KDM1B: variants seen among roughly 807,000 people sequenced by gnomAD.
KDM1B encodes lysine-specific histone demethylase 2.
Under a neutral mutation model 107.4 loss-of-function variants are expected in KDM1B, and 63 were observed. That is an observed-to-expected ratio of 0.59 (90% CI 0.48 to 0.72). KDM1B has a LOEUF of 0.72. Ranked by LOEUF, KDM1B falls within the 30% of genes least tolerant of loss-of-function variation. The pLI, the probability that KDM1B is intolerant of heterozygous loss-of-function variation, is 0.00. For missense variants in KDM1B, 749 were observed against 1,020.8 expected (o/e 0.73, Z 3.63); for synonymous variants, 363 against 363.9 (o/e 1.00, Z 0.03).
chr6:18,162,949 T>G lies in KDM1B; in HGVS notation c.305+25T>G. 6.9e-7 allele frequency: 1 copy of G among 1,458,886 alleles called. No homozygotes were observed. Among genetic ancestry groups the G allele is most frequent in the South Asian group, 1.1e-5 (1 of 87,778 alleles). 90.4% of individuals were successfully genotyped at this position (1,458,886 alleles called of 1,614,324 possible). On this transcript the variant is annotated intron_variant, in intron 5 of 21. Coordinates refer to ENST00000650836, the MANE Select transcript of KDM1B (RefSeq NM_001364614.2). The surrounding 1 kb of genome is among the most constrained non-coding windows in gnomAD (Gnocchi z 4.1). ...GGTATGTTCACTAATTGTGTGAGGT[T>G]TCCCTGGAGAAGGGGACCGTGGCAG...
chr6:18,187,996 G>A lies in KDM1B; in HGVS notation c.778G>A (p.Val260Met), dbSNP rs752126498. ...GGAGCACTCCAAGGCTGCCCTCTCC[G>A]TGCACGGTGAGAGCCATTCCTGGGA... is the stretch of plus-strand genomic sequence containing the variant. ...KLEHSKAALS[V>M]HVPGMNRYFQ... Residue 260 changes from valine to methionine, a missense_variant, in exon 9 of 22, where the codon GTG (valine) becomes ATG (methionine). Coordinates refer to ENST00000650836, the MANE Select transcript of KDM1B (RefSeq NM_001364614.2). 5.6e-5 allele frequency: 87 copies of A among 1,550,158 alleles called. No individual in the cohort carries two copies. Among genetic ancestry groups the A allele is most frequent in the South Asian group, 2.6e-4 (22 of 84,064 alleles).
chr6:18,218,504 C>T (rs552307192), intron 21 of KDM1B, among the ~76,000 whole-genome samples: 1 of 152,268 alleles, frequency 6.6e-6, no homozygotes, highest in East Asian at 1.9e-4. Flanking sequence ...CCCATTTAGT[C>T]TCTGCACCAT....
Position 18,210,442 on chromosome 6 carries a change from C to T in KDM1B, c.1867-2046C>T, listed in dbSNP as rs116656291. 7.1e-3 allele frequency among the ~76,000 whole-genome samples: 1,025 copies of T among 145,274 alleles called. 7 individuals are homozygous for T. The highest frequency in any genetic ancestry group is 0.018 in the Middle Eastern group (5 of 274). Reference sequence around the variant, plus strand: ...TGCAGCTTGTAGCTCACAGCAGCCTCGAACTCCTGGGCTTGAGCAGTGCTC... The same window carrying T: ...TGCAGCTTGTAGCTCACAGCAGCCTTGAACTCCTGGGCTTGAGCAGTGCTC... On this transcript the variant is annotated intron_variant, in intron 17 of 21. Transcript: ENST00000650836.
intron 7 of KDM1B, among the ~76,000 whole-genome samples, chr6:18,184,909 C>T (rs545170556): frequency 6.6e-6 from 1 of 151,432 alleles, no homozygotes; most frequent in East Asian, 2.0e-4. Flanking sequence ...CTGATTTTTG[C>T]AATTTTTGTA....
rs74573635 is a variant in KDM1B at position 18,212,347 on chromosome 6, T to C, written c.1867-141T>C. 29,047 of 709,720 alleles carry C rather than the reference T, an allele frequency of 0.041. 1,555 individuals are homozygous for C. Among genetic ancestry groups the C allele is most frequent in the Admixed American group, 0.19 (10,254 of 52,886 alleles). The allele number at this position is 709,720 out of a possible 1,614,324, so 44.0% of individuals were successfully genotyped here. A position where few individuals can be genotyped will look rare whatever the true frequency, so the allele number is the denominator to read the frequency against. Reference sequence around the variant, plus strand: ...TCTGCTTAGCCAGGCATTGGCACCCTTGTGCAGTGAGCAACCTGCACAGTT... The same window carrying C: ...TCTGCTTAGCCAGGCATTGGCACCCCTGTGCAGTGAGCAACCTGCACAGTT... On this transcript the variant is annotated intron_variant, in intron 17 of 21. Transcript: ENST00000650836. This position sits in a 1 kb window ranked among gnomAD's most constrained non-coding sequence, Gnocchi z 5.2.
Position 18,197,205 on chromosome 6 carries a change from A to C in KDM1B, c.1118A>C (p.Gln373Pro). 1.2e-6 allele frequency: 2 copies of C among 1,614,098 alleles called. No individual in the cohort carries two copies. Among genetic ancestry groups the C allele is most frequent in the Non-Finnish European group, 1.7e-6 (2 of 1,179,982 alleles). Residue 373 changes from glutamine (Q) to proline (P), a missense_variant, in exon 11 of 22, where the codon CAG becomes CCG. Transcript: ENST00000650836. This position sits in a 1 kb window ranked among gnomAD's most constrained non-coding sequence, Gnocchi z 4.5. ...GGAGTTCTCAGCGTGGGAGCCGACCAGTATCTTCTCCCTAAGGACTACCAC... is the reference window on the plus strand; with the variant it reads ...GGAGTTCTCAGCGTGGGAGCCGACCCGTATCTTCTCCCTAAGGACTACCAC... ...NTGVLSVGAD[Q>P]YLLPKDYHNK...
In KDM1B at chr6:18,155,695, CGTGGTGG is replaced by C. The variant is rs1179826151; in HGVS notation, c.-58+126_-58+132del. The C allele has an allele frequency of 6.6e-6, 1 of 152,458 alleles. No homozygotes were observed. The highest frequency in any genetic ancestry group is 1.5e-5 in the Non-Finnish European group (1 of 68,294). The allele number at this position is 152,458 out of a possible 1,614,324, so 9.4% of individuals were successfully genotyped here. A position where few individuals can be genotyped will look rare whatever the true frequency, so the allele number is the denominator to read the frequency against. On this transcript the variant is annotated intron_variant, in intron 1 of 21. Transcript: ENST00000650836. The surrounding 1 kb of genome is among the most constrained non-coding windows in gnomAD (Gnocchi z 6.2). ...TTTCCCCCTGTGCAGCGCCCCTCGC[CGTGGTGG>C]GAGGTGGGCGGGTGCCCCAGGGACG... is the stretch of plus-strand genomic sequence containing the variant.
intron 2 of KDM1B, among the ~76,000 whole-genome samples, chr6:18,156,546 A>G (rs1046281698): frequency 1.3e-5 from 2 of 152,188 alleles, no homozygotes; most frequent in African/African-American, 4.8e-5. Context: ...TGAGAAAATT[A>G]CCATCAATAA....
Position 18,205,609 on chromosome 6 carries a change from T to G in KDM1B, c.1604T>G (p.Val535Gly). Residue 535 changes from valine to glycine, a missense_variant, in exon 15 of 22, where the codon GTG (valine) becomes GGG (glycine). Coordinates refer to ENST00000650836, the MANE Select transcript of KDM1B (RefSeq NM_001364614.2). The surrounding 1 kb of genome is among the most constrained non-coding windows in gnomAD (Gnocchi z 5.7). ...CAATTCAGTGAGCTGGAGGGACAGGTGCTTCAGTTCCATCTCAGTAACCTG... is the reference window on the plus strand; with the variant it reads ...CAATTCAGTGAGCTGGAGGGACAGGGGCTTCAGTTCCATCTCAGTAACCTG... ...GIQFSELEGQ[V>G]LQFHLSNLEY... 1.3e-6 allele frequency: 2 copies of G among 1,543,222 alleles called. No individual in the cohort carries two copies. Among genetic ancestry groups the G allele is most frequent in the Non-Finnish European group, 1.7e-6 (2 of 1,143,626 alleles).
intron 10 of KDM1B, among the ~76,000 whole-genome samples, chr6:18,192,357 C>G (rs409918): frequency 0.11 from 16,542 of 152,160 alleles, 982 homozygotes; most frequent in South Asian, 0.22. Context: ...GAACATTGTG[C>G]AAGACTGCCA....
chr6:18,187,445 A>C (rs1786944146), intron 8 of KDM1B, among the ~76,000 whole-genome samples: 1 of 152,072 alleles, frequency 6.6e-6, no homozygotes, highest in Admixed American at 6.6e-5. Context: ...GCAGAGATGC[A>C]TTTTTCACAT....
At chr6:18,184,525 T>C (rs1400903881) in intron 7 of KDM1B, among the ~76,000 whole-genome samples, 2 of 151,920 alleles carry the variant, frequency 1.3e-5, no homozygotes, top group African/African-American at 4.8e-5. Flanking sequence ...TCCACCCACC[T>C]CAGCCTCCCA....
At position 18,197,108 on chromosome 6, in the gene KDM1B, G is replaced by C. The variant is rs762116514; in HGVS notation, c.1021G>C (p.Val341Leu). The C allele has an allele frequency of 1.2e-6, 2 of 1,613,982 alleles. No homozygotes were observed. The highest frequency in any genetic ancestry group is 2.2e-5 in the South Asian group (2 of 91,060). The part of the protein sequence containing the change: ...CIPHIIVRGL[V>L]RIRCVQEVER... Reference sequence around the variant, plus strand: ...TCCTCACATCATCGTCCGGGGTCTCGTGCGTATTCGATGCGTTCAGGAAGT... The same window carrying C: ...TCCTCACATCATCGTCCGGGGTCTCCTGCGTATTCGATGCGTTCAGGAAGT... Residue 341 changes from valine to leucine, a missense_variant, in exon 11 of 22, where the codon GTG becomes CTG. Val to Leu is a conservative substitution (Grantham distance 32). Coordinates refer to ENST00000650836, the MANE Select transcript of KDM1B (RefSeq NM_001364614.2). This position sits in a 1 kb window ranked among gnomAD's most constrained non-coding sequence, Gnocchi z 4.5.
At chr6:18,165,596 G>A (rs1370835021) in intron 5 of KDM1B, among the ~76,000 whole-genome samples, 1 of 152,168 alleles carries the variant, frequency 6.6e-6, no homozygotes, top group African/African-American at 2.4e-5. Flanking sequence ...GTTGAGGTGG[G>A]CAGATCTCTT....
At chr6:18,169,294 T>G (rs939410553) in intron 6 of KDM1B, among the ~76,000 whole-genome samples, 4 of 151,170 alleles carry the variant, frequency 2.6e-5, no homozygotes, top group African/African-American at 9.7e-5. Context: ...AGTGCAATGG[T>G]GCCATCTCTG....
At position 18,217,654 on chromosome 6, in the gene KDM1B, C is replaced by T; in HGVS notation, c.2233-79C>T. The T allele has an allele frequency of 2.4e-6, 3 of 1,228,340 alleles. No homozygotes were observed. The Admixed American group carries it at 5.7e-5, about 23-fold the overall frequency. The allele number at this position is 1,228,340 out of a possible 1,614,324, so 76.1% of individuals were successfully genotyped here. On this transcript the variant is annotated intron_variant, in intron 20 of 21. Transcript: ENST00000650836. ...AGCCTCCCAAAGTGCTGGGATGGGA[C>T]TACAGGCATGAGTCACTGCGCCCTG...
At position 18,192,669 on chromosome 6, in the gene KDM1B, C is replaced by T. The variant is rs1044796080; in HGVS notation, c.969+1288C>T. On this transcript the variant is annotated intron_variant, in intron 10 of 21. Coordinates refer to ENST00000650836, the MANE Select transcript of KDM1B (RefSeq NM_001364614.2). ...CCTGTAGTCCCAGCTACTTGGGACA[C>T]TGAGGCAGGAGGATCGCTTGTGCCT... 2.0e-5 allele frequency among the ~76,000 whole-genome samples: 3 copies of T among 150,838 alleles called. No homozygotes were observed. In the South Asian group the frequency reaches 6.3e-4, roughly 32 times the overall value.
Position 18,162,929 on chromosome 6 carries a change from GT to G in KDM1B, c.305+7del. ...CTTTGACCATTACTACAGAAGGTATGTTCACTAATTGTGTGAGGTTTCCCTG... is the reference window on the plus strand; with the variant it reads ...CTTTGACCATTACTACAGAAGGTATGTCACTAATTGTGTGAGGTTTCCCTG... On this transcript the variant is annotated splice_donor_region_variant and intron_variant, in intron 5 of 21. Transcript: ENST00000650836. The surrounding 1 kb of genome is among the most constrained non-coding windows in gnomAD (Gnocchi z 4.1). 6.4e-7 allele frequency: 1 copy of G among 1,571,540 alleles called. No individual in the cohort carries two copies. The highest frequency in any genetic ancestry group is 8.8e-7 in the Non-Finnish European group (1 of 1,141,174).
In KDM1B at chr6:18,201,696, T is replaced by G; in HGVS notation, c.1531+39T>G. 1 of 1,496,378 alleles carries G rather than the reference T, an allele frequency of 6.7e-7. No homozygotes were observed. Among genetic ancestry groups the G allele is most frequent in the Non-Finnish European group, 9.0e-7 (1 of 1,115,238 alleles). 92.7% of individuals were successfully genotyped at this position (1,496,378 alleles called of 1,614,324 possible). On this transcript the variant is annotated intron_variant, in intron 14 of 21. Transcript: ENST00000650836. This position sits in a 1 kb window ranked among gnomAD's most constrained non-coding sequence, Gnocchi z 4.3. The stretch of plus-strand genomic sequence containing the variant: ...GGTGTTCTGATTGTTCCATCTCAGT[T>G]TCGTTGTTACCTAAGCTTCATCAGC...
Sources: gnomAD v4.1 joint callset for allele counts (sites outside exome capture counted in the v4.1 genomes callset) on GRCh38, gnomAD v4.1.1 for gene constraint, Gnocchi (gnomAD v3.1) non-coding constraint, MANE v1.5 for transcripts, NCBI Gene and HGNC (gene_info 2026-07-23, HGNC 2026-07-21) for gene names.